Variants in FARS2 observed in about 807,000 individuals in gnomAD.
FARS2 encodes phenylalanine--tRNA ligase, mitochondrial.
Under a neutral mutation model 46.4 loss-of-function variants are expected in FARS2, and 40 were observed. The observed-to-expected ratio is 0.86, with a 90% confidence interval of 0.67 to 1.12. FARS2 has a LOEUF of 1.12. Among genes scored for constraint, FARS2 ranks in the 50% most tolerant of loss-of-function variants. The pLI is 0.00. For synonymous variants in FARS2, 234 were observed against 214.9 expected, an observed-to-expected ratio of 1.09 and a Z score of -0.78; for missense variants, 513 against 567.9, an observed-to-expected ratio of 0.90 and a Z score of 0.98.
chr6:5,373,599 T>C (rs797151), intron 2 of FARS2, among the ~76,000 whole-genome samples: 36,919 of 152,044 alleles, frequency 0.24, 6,655 homozygotes, highest in African/African-American at 0.52. Flanking sequence ...GAAATGTTTA[T>C]GCCATTGTAT....
intron 1 of FARS2, among the ~76,000 whole-genome samples, chr6:5,327,799 G>A (rs1029440701): frequency 2.6e-5 from 4 of 152,114 alleles, no homozygotes; most frequent in African/African-American, 9.7e-5. Context: ...CTTTATCCTG[G>A]AGTGAGTAGT....
intron 2 of FARS2, among the ~76,000 whole-genome samples, chr6:5,396,763 G>C (rs575377143): frequency 6.6e-6 from 1 of 152,312 alleles, no homozygotes; most frequent in East Asian, 1.9e-4. Flanking sequence ...GCAGCTGAGC[G>C]ATCAGGCCTC....
chr6:5,585,309 G>A (rs1325754397), intron 5 of FARS2, among the ~76,000 whole-genome samples: 1 of 151,804 alleles, frequency 6.6e-6, no homozygotes, highest in Admixed American at 6.6e-5. Flanking sequence ...TTTTTTTTGT[G>A]TGTGTAAGTG....
At position 5,613,321 on chromosome 6, in the gene FARS2, G is replaced by A; in HGVS notation, c.1217+1G>A. On this transcript the variant is annotated splice_donor_variant, in intron 6 of 6. Transcript: ENST00000274680. LOFTEE classifies it high-confidence loss of function. The stretch of plus-strand genomic sequence containing the variant: ...TCATAGACAAGTTTGTACATCCAAA[G>A]TAAGTGAAAAGCTTTCTGATTTTAC... The A allele has an allele frequency of 6.2e-7, 1 of 1,611,276 alleles. No homozygotes were observed. The highest frequency in any genetic ancestry group is 1.1e-5 in the South Asian group (1 of 90,560).
intron 3 of FARS2, among the ~76,000 whole-genome samples, chr6:5,429,653 GT>G (rs1763050601): frequency 6.6e-6 from 1 of 152,100 alleles, no homozygotes; most frequent in African/African-American, 2.4e-5. Flanking sequence ...AGTAAAAAAA[GT>G]AGAGAAATTA....
intron 1 of FARS2, among the ~76,000 whole-genome samples, chr6:5,365,513 T>TAA (rs1561987294): frequency 6.5e-4 from 91 of 139,806 alleles, no homozygotes; most frequent in African/African-American, 2.1e-3. Context: ...AAATAAAATT[T>TAA]TTTTTTTTTT....
At chr6:5,592,759 C>G (rs1231677261) in intron 5 of FARS2, among the ~76,000 whole-genome samples, 1 of 152,230 alleles carries the variant, frequency 6.6e-6, no homozygotes, top group Non-Finnish European at 1.5e-5. Context: ...TTTGTCTCCC[C>G]TCGCTTTCCC....
intron 3 of FARS2, among the ~76,000 whole-genome samples, chr6:5,423,684 G>C (rs932701799): frequency 1.3e-5 from 2 of 152,150 alleles, no homozygotes; most frequent in African/African-American, 4.8e-5. Context: ...TCTGTGAGAG[G>C]GAAGAGGTGG....
At chr6:5,377,393 TC>T (rs1193145568) in intron 2 of FARS2, among the ~76,000 whole-genome samples, 2 of 152,218 alleles carry the variant, frequency 1.3e-5, no homozygotes, top group Non-Finnish European at 2.9e-5. Flanking sequence ...TTGTCTTCAT[TC>T]CCCTTTGATA....
upstream of FARS2, chr6:5,261,126 A>G (rs9784870): frequency 0.37 from 72,655 of 195,088 alleles, 17,647 homozygotes; most frequent in African/African-American, 0.75. Flanking sequence ...TCGGAGGCCC[A>G]GGCATTCGAG....
At chr6:5,601,117 A>C (rs1582551537) in intron 5 of FARS2, among the ~76,000 whole-genome samples, 4 of 152,180 alleles carry the variant, frequency 2.6e-5, no homozygotes, top group Admixed American at 2.6e-4. Context: ...CCATGCTGGC[A>C]CCCTGTGGCC....
chr6:5,415,998 C>T (rs570239561), intron 3 of FARS2, among the ~76,000 whole-genome samples: 103 of 152,262 alleles, frequency 6.8e-4, no homozygotes, highest in Non-Finnish European at 1.4e-3. Context: ...TGAGCTATTG[C>T]GCCTGGCCCT....
At chr6:5,261,092 A>G (rs1765082306), upstream of FARS2, 2 of 333,914 alleles carry the variant, frequency 6.0e-6, no homozygotes, top group Non-Finnish European at 8.8e-6. Flanking sequence ...CCGTGCATCC[A>G]GCCAAGCTCC....
chr6:5,597,909 A>G (rs1422808191), intron 5 of FARS2, among the ~76,000 whole-genome samples: 1 of 151,976 alleles, frequency 6.6e-6, no homozygotes, highest in Non-Finnish European at 1.5e-5. Context: ...AGTACTTGAT[A>G]TTTAGAAAAT....
intron 6 of FARS2, among the ~76,000 whole-genome samples, chr6:5,717,908 C>CTATATA (rs58922507): frequency 8.0e-4 from 62 of 77,716 alleles, no homozygotes; most frequent in South Asian, 3.0e-3. Context: ...AAGGTATCAG[C>CTATATA]TATATATATA....
chr6:5,352,135 A>AT (rs540539612), intron 1 of FARS2, among the ~76,000 whole-genome samples: 3,839 of 143,328 alleles, frequency 0.027, 153 homozygotes, highest in African/African-American at 0.09. Context: ...TTTTTTTGTG[A>AT]TTTTTTTTTT....
chr6:5,393,216 T>A (rs1760683854), intron 2 of FARS2, among the ~76,000 whole-genome samples: 1 of 152,006 alleles, frequency 6.6e-6, no homozygotes. Flanking sequence ...AGGTAGACTC[T>A]CAGGATTATT....
intron 1 of FARS2, among the ~76,000 whole-genome samples, 167 bp from the exon 2 acceptor site, chr6:5,368,383 A>G (rs904534251): frequency 2.6e-5 from 4 of 152,222 alleles, no homozygotes; most frequent in African/African-American, 9.6e-5. Context: ...TGTATTAAGT[A>G]TCACATGTCT....
At chr6:5,744,249 A>G (rs572150462) in intron 6 of FARS2, among the ~76,000 whole-genome samples, 34 of 152,292 alleles carry the variant, frequency 2.2e-4, no homozygotes, top group Admixed American at 2.0e-3. Flanking sequence ...AGGGGTGGAG[A>G]GACCAAGCCA....
Sources: allele counts gnomAD v4.1 joint callset (sites outside exome capture counted in the v4.1 genomes callset), GRCh38; gene constraint gnomAD v4.1.1; transcripts MANE v1.5; gene names NCBI Gene and HGNC (gene_info 2026-07-23, HGNC 2026-07-21).